STS: variants seen among roughly 807,000 people sequenced by gnomAD.
The protein encoded by STS is steroid sulfatase.
In STS, 7 loss-of-function variants were observed where a neutral mutation model predicts 26.8. The observed-to-expected ratio is 0.26, with a 90% CI of 0.15 to 0.49. The LOEUF (loss-of-function observed/expected upper bound fraction) is 0.49. Ranked by LOEUF, STS falls within the 20% of genes least tolerant of loss-of-function variation. The pLI, the probability that STS is intolerant of heterozygous loss-of-function variation, is 0.98. For synonymous variants in STS, 199 were observed against 189.4 expected (o/e 1.05, Z -0.42); for missense variants, 434 against 465.6 (o/e 0.93, Z 0.63).
intron 10 of STS, among the ~76,000 whole-genome samples, chrX:7,347,994 C>T (rs149672314): frequency 3.8e-3 from 429 of 111,996 alleles, no homozygotes; most frequent in African/African-American, 0.013. Context: ...TGCAGCCTGG[C>T]GTGTCTGTGT....
intron 2 of STS, among the ~76,000 whole-genome samples, chrX:7,247,775 T>G (rs925641632): frequency 8.1e-5 from 9 of 111,518 alleles, no homozygotes; most frequent in African/African-American, 2.9e-4. Flanking sequence ...GGTAGAGGCT[T>G]GAGATGTGCT....
intron 6 of STS, among the ~76,000 whole-genome samples, chrX:7,272,342 T>C (rs1924318859): frequency 9.1e-6 from 1 of 109,564 alleles, no homozygotes; most frequent in African/African-American, 3.3e-5. Context: ...TAGTCCCTGC[T>C]CTAGAGCAAC....
intron 2 of STS, among the ~76,000 whole-genome samples, chrX:7,222,712 G>T (rs188346828): frequency 9.0e-6 from 1 of 111,183 alleles, no homozygotes; most frequent in Admixed American, 9.6e-5. Flanking sequence ...ATGTCTAAGA[G>T]ATAGCATTCA....
At chrX:7,209,734 G>C (rs1417229361) in intron 2 of STS, among the ~76,000 whole-genome samples, 1 of 108,818 alleles carries the variant, frequency 9.2e-6, no homozygotes, top group Admixed American at 1.0e-4. Flanking sequence ...TGCCATGGTG[G>C]TTTGCTGCAC....
chrX:7,338,460 T>A (rs1337238571), intron 10 of STS, among the ~76,000 whole-genome samples: 1 of 112,239 alleles, frequency 8.9e-6, no homozygotes, highest in Non-Finnish European at 1.9e-5. Flanking sequence ...ATATATGGAA[T>A]CTTAGCATCA....
At chrX:7,262,463 T>C (rs953312278) in intron 6 of STS, among the ~76,000 whole-genome samples, 1 of 111,844 alleles carries the variant, frequency 8.9e-6, no homozygotes, top group African/African-American at 3.2e-5. Flanking sequence ...AGTCTCCCCA[T>C]GTCTTCAGGA....
chrX:7,270,295 G>A (rs1322765711), intron 6 of STS, among the ~76,000 whole-genome samples: 4 of 111,961 alleles, frequency 3.6e-5, no homozygotes, highest in African/African-American at 9.7e-5. Context: ...TTTCAAGGTC[G>A]TAGAGAGGAA....
At chrX:7,183,508 A>G (rs1933719315) in intron 1 of STS, among the ~76,000 whole-genome samples, 1 of 112,179 alleles carries the variant, frequency 8.9e-6, no homozygotes, top group South Asian at 3.7e-4. Context: ...TTTGAGCCTC[A>G]CTGTGCCTGG....
intron 2 of STS, among the ~76,000 whole-genome samples, chrX:7,224,132 C>T (rs916265263): frequency 1.3e-4 from 15 of 111,421 alleles, no homozygotes; most frequent in African/African-American, 3.6e-4. Context: ...GAAAAGGGGA[C>T]GAGTTGACTT....
In STS at chrX:7,204,880, C is replaced by A. The variant is rs187142774; in HGVS notation, c.-5+13872C>A. Among the ~76,000 whole-genome samples, 4 of 106,978 alleles carry A rather than the reference C, an allele frequency of 3.7e-5. No homozygotes were observed. In the East Asian group the frequency reaches 1.2e-3, roughly 32 times the overall value. The allele number at this position is 106,978 out of a possible 115,157, so 92.9% of individuals were successfully genotyped here. On this transcript the variant is annotated intron_variant, in intron 2 of 10. Coordinates refer to ENST00000674429, the MANE Select transcript of STS (RefSeq NM_001320752.2). ...TTGCTTGCCTCCCTTTTTTTCCTTC[C>A]TTTCCCTTATTCCTCCCTCCTTCGC...
intron 2 of STS, among the ~76,000 whole-genome samples, chrX:7,210,781 A>G (rs1921007174): frequency 9.1e-6 from 1 of 110,029 alleles, no homozygotes. Context: ...AAATTTCTAA[A>G]CCAAATATCC....
chrX:7,328,376 G>A (rs1318442348), intron 9 of STS, among the ~76,000 whole-genome samples: 7 of 111,295 alleles, frequency 6.3e-5, no homozygotes, highest in Non-Finnish European at 1.1e-4. Flanking sequence ...GTCTGAGGCT[G>A]ATGGAGGCCA....
At chrX:7,325,085 G>C (rs1398545296) in intron 8 of STS, among the ~76,000 whole-genome samples, 1 of 111,687 alleles carries the variant, frequency 9.0e-6, no homozygotes, top group Non-Finnish European at 1.9e-5. Context: ...GTTGCGTTGA[G>C]TCCCTCTGAT....
At chrX:7,340,412 C>T (rs1259091419) in intron 10 of STS, among the ~76,000 whole-genome samples, 1 of 111,901 alleles carries the variant, frequency 8.9e-6, no homozygotes, top group Non-Finnish European at 1.9e-5. Context: ...TCCTTACTTT[C>T]GTATCTTCTG....
chrX:7,198,262 T>G (rs1263329451), intron 2 of STS, among the ~76,000 whole-genome samples: 1 of 110,978 alleles, frequency 9.0e-6, no homozygotes, highest in African/African-American at 3.3e-5. Context: ...ATTGGTCAGA[T>G]TGGAGATGAA....
intron 9 of STS, among the ~76,000 whole-genome samples, chrX:7,326,101 G>C (rs896509365): frequency 5.2e-4 from 58 of 110,962 alleles, no homozygotes; most frequent in African/African-American, 1.9e-3. Flanking sequence ...TGGCGCCTTG[G>C]GGTAGAGTGG....
chrX:7,166,143 G>A (rs185725319), intron 1 of STS, among the ~76,000 whole-genome samples: 51 of 109,254 alleles, frequency 4.7e-4, no homozygotes, highest in Non-Finnish European at 3.4e-4. Flanking sequence ...AAGTAGCTAG[G>A]GCTACAGGTG....
At chrX:7,199,656 T>G (rs1016198357) in intron 2 of STS, among the ~76,000 whole-genome samples, 43 of 111,518 alleles carry the variant, frequency 3.9e-4, no homozygotes, top group African/African-American at 1.4e-3. Flanking sequence ...TTGATATTAG[T>G]CATCTGTCAA....
At chrX:7,168,465 A>G (rs1033782722) in intron 1 of STS, among the ~76,000 whole-genome samples, 2 of 111,932 alleles carry the variant, frequency 1.8e-5, no homozygotes, top group Non-Finnish European at 3.8e-5. Flanking sequence ...GTCTCCTGCA[A>G]TGCATCACAG....
Sources: allele counts gnomAD v4.1 joint callset (sites outside exome capture counted in the v4.1 genomes callset), GRCh38; gene constraint gnomAD v4.1.1; transcripts MANE v1.5; gene names NCBI Gene and HGNC (gene_info 2026-07-23, HGNC 2026-07-21).